SPATA17: variants seen among roughly 807,000 people sequenced by gnomAD.
The protein encoded by SPATA17 is spermatogenesis-associated protein 17.
SPATA17 carries 53 observed loss-of-function variants against 62.2 expected under a neutral mutation model. That is an observed-to-expected ratio of 0.85 (90% CI 0.68 to 1.07). The LOEUF is 1.07. SPATA17 is among the 50% of genes least tolerant of loss of function. The pLI is 0.00. For missense variants in SPATA17, 466 were observed against 425.5 expected (o/e 1.10, Z -0.84); for synonymous variants, 146 against 146.8 (o/e 0.99, Z 0.04).
chr1:217,825,503 A>G (rs1005831320), intron 9 of SPATA17, among the ~76,000 whole-genome samples: 1 of 151,864 alleles, frequency 6.6e-6, no homozygotes, highest in African/African-American at 2.4e-5. Flanking sequence ...CAATTTATCA[A>G]TTTTACTAAA....
chr1:217,770,015 A>C (rs1003171524), intron 6 of SPATA17, among the ~76,000 whole-genome samples: 1 of 152,306 alleles, frequency 6.6e-6, no homozygotes, highest in Admixed American at 6.5e-5. Context: ...GATAATTATG[A>C]TGAAGTACAT....
At chr1:217,863,284 G>T (rs1212065681) in intron 10 of SPATA17, among the ~76,000 whole-genome samples, 1 of 151,798 alleles carries the variant, frequency 6.6e-6, no homozygotes, top group Non-Finnish European at 1.5e-5. Flanking sequence ...ACCACACCTG[G>T]CTAATTTTTG....
At chr1:217,841,353 GTATT>G (rs1413451323) in intron 9 of SPATA17, among the ~76,000 whole-genome samples, 1 of 151,800 alleles carries the variant, frequency 6.6e-6, no homozygotes, top group African/African-American at 2.4e-5. Context: ...ATAAATTTTA[GTATT>G]TATTTTCTTG....
intron 5 of SPATA17, among the ~76,000 whole-genome samples, chr1:217,696,900 A>C (rs2102916167): frequency 6.6e-6 from 1 of 151,848 alleles, no homozygotes; most frequent in Middle Eastern, 3.4e-3. Flanking sequence ...TTTCTTTCCC[A>C]CTCCTATGCC....
At chr1:217,716,646 C>T (rs1401099195) in intron 5 of SPATA17, among the ~76,000 whole-genome samples, 5 of 152,118 alleles carry the variant, frequency 3.3e-5, no homozygotes, top group Non-Finnish European at 5.9e-5. Flanking sequence ...TAATTACAGA[C>T]ATTAAACATT....
At position 217,674,656 on chromosome 1, in the gene SPATA17, G is replaced by T. The variant is rs138758175; in HGVS notation, c.291+5573G>T. Among the ~76,000 whole-genome samples the T allele has an allele frequency of 1.4e-3, 217 of 152,330 alleles. 4 individuals are homozygous for T. In the East Asian group the frequency reaches 0.035, roughly 24 times the overall value. ...GCCCACAGCCCCGAAGCCCCAGAAG[G>T]GGTGTTACAACATGCTAATTAGTTC... On this transcript the variant is annotated intron_variant, in intron 4 of 10. Coordinates refer to ENST00000366933, the MANE Select transcript of SPATA17 (RefSeq NM_138796.4).
chr1:217,808,121 A>G (rs1269268347), intron 9 of SPATA17, among the ~76,000 whole-genome samples: 1 of 152,194 alleles, frequency 6.6e-6, no homozygotes, highest in Non-Finnish European at 1.5e-5. Flanking sequence ...CCTTCCAAAA[A>G]GCAGGAAAAT....
In SPATA17 at chr1:217,724,832, ATTAGT is replaced by A. The variant is rs557500087; in HGVS notation, c.396-17139_396-17135del. 4.1e-3 allele frequency among the ~76,000 whole-genome samples: 626 copies of A among 151,894 alleles called. 6 individuals carry two copies. The highest frequency in any genetic ancestry group is 7.7e-3 in the Non-Finnish European group (524 of 67,912). On this transcript the variant is annotated intron_variant, in intron 5 of 10. Transcript: ENST00000366933. ...TGTTTATATTTGTTCTGTTTGCCTA[ATTAGT>A]TTATTTTTTTTCCCTGTGCACTTGT...
In SPATA17 at chr1:217,654,932, A is replaced by G. The variant is rs555291691; in HGVS notation, c.240+3754A>G. On this transcript the variant is annotated intron_variant, in intron 3 of 10. Coordinates refer to ENST00000366933, the MANE Select transcript of SPATA17 (RefSeq NM_138796.4). ...TTTGCCGTGTTAGCCAGATGGTCTC[A>G]ATCTCCTGACCTTGTGATATGCCCG... Among the ~76,000 whole-genome samples, 21 of 152,182 alleles carry G rather than the reference A, an allele frequency of 1.4e-4. No individual in the cohort carries two copies. The South Asian group carries it at 2.9e-3, about 21-fold the overall frequency.
At chr1:217,679,081 A>G (rs959834094) in intron 4 of SPATA17, among the ~76,000 whole-genome samples, 1 of 152,168 alleles carries the variant, frequency 6.6e-6, no homozygotes, top group African/African-American at 2.4e-5. Flanking sequence ...TGTTTCTATA[A>G]TAGGAAATAT....
intron 1 of SPATA17, among the ~76,000 whole-genome samples, chr1:217,634,189 G>A (rs1279460704): frequency 3.9e-5 from 6 of 152,188 alleles, no homozygotes; most frequent in Admixed American, 1.3e-4. Context: ...CTTGCCTGTT[G>A]CCTAGACAGA....
At chr1:217,774,804 T>C (rs1260242109) in intron 7 of SPATA17, among the ~76,000 whole-genome samples, 1 of 152,178 alleles carries the variant, frequency 6.6e-6, no homozygotes, top group Non-Finnish European at 1.5e-5. Flanking sequence ...TTAAAGTTCA[T>C]CTATGTTGCA....
At chr1:217,655,954 G>A (rs1255569965) in intron 3 of SPATA17, among the ~76,000 whole-genome samples, 1 of 152,070 alleles carries the variant, frequency 6.6e-6, no homozygotes, top group Admixed American at 6.6e-5. Flanking sequence ...GTATACTTAT[G>A]CATATAAGAC....
At chr1:217,725,737 A>T (rs1197243289) in intron 5 of SPATA17, among the ~76,000 whole-genome samples, 1 of 152,218 alleles carries the variant, frequency 6.6e-6, no homozygotes, top group African/African-American at 2.4e-5. Flanking sequence ...TGCTAGGATT[A>T]TAGGTGTGAG....
In SPATA17 at chr1:217,704,230, C is replaced by CTTTTTTTTTTTTT. The variant is rs560591615; in HGVS notation, c.395+20888_395+20900dup. On this transcript the variant is annotated intron_variant, in intron 5 of 10. Transcript: ENST00000366933. Reference sequence around the variant, plus strand: ...TCCTAACTCTCCTCCTTCCCTCTACCTTTTTTTTTTTTTTTTTTTTTTTTT... The same window carrying CTTTTTTTTTTTTT: ...TCCTAACTCTCCTCCTTCCCTCTACCTTTTTTTTTTTTTTTTTTTTTTTTTTTTTTTTTTTTTT... Among the ~76,000 whole-genome samples, 14 of 41,718 alleles carry CTTTTTTTTTTTTT rather than the reference C, an allele frequency of 3.4e-4. 3 individuals are homozygous for CTTTTTTTTTTTTT. Among genetic ancestry groups the CTTTTTTTTTTTTT allele is most frequent in the Non-Finnish European group, 5.1e-4 (11 of 21,570 alleles). The allele number at this position is 41,718 out of a possible 152,430, so 27.4% of individuals were successfully genotyped here.
intron 7 of SPATA17, among the ~76,000 whole-genome samples, chr1:217,775,073 C>G (rs570349910): frequency 3.4e-4 from 52 of 152,306 alleles, no homozygotes; most frequent in African/African-American, 1.2e-3. Flanking sequence ...AACTGCCATA[C>G]TGTTTCTCAT....
intron 1 of SPATA17, among the ~76,000 whole-genome samples, chr1:217,647,563 C>A (rs1036236862): frequency 6.6e-6 from 1 of 151,982 alleles, no homozygotes; most frequent in Non-Finnish European, 1.5e-5. Flanking sequence ...ATGATTGTGG[C>A]AAATATTATG....
chr1:217,658,349 C>T (rs992085530), intron 3 of SPATA17, among the ~76,000 whole-genome samples: 7 of 152,166 alleles, frequency 4.6e-5, no homozygotes, highest in Non-Finnish European at 7.3e-5. Flanking sequence ...ATGTGACATG[C>T]CTGCTCTCCC....
intron 3 of SPATA17, among the ~76,000 whole-genome samples, chr1:217,664,633 G>A (rs1467921597): frequency 6.6e-6 from 1 of 151,966 alleles, no homozygotes; most frequent in African/African-American, 2.4e-5. Context: ...AGGTTGGGAG[G>A]GCAACAAGGA....
Sources: gnomAD v4.1 joint callset for allele counts (sites outside exome capture counted in the v4.1 genomes callset) on GRCh38, gnomAD v4.1.1 for gene constraint, MANE v1.5 for transcripts, NCBI Gene and HGNC (gene_info 2026-07-23, HGNC 2026-07-21) for gene names.